Variants in FBN2 observed in about 807,000 individuals in gnomAD.
FBN2 encodes fibrillin-2.
FBN2 carries 105 observed loss-of-function variants against 355.6 expected under a neutral mutation model. The ratio of observed to expected loss-of-function variants is 0.30; its 90% CI spans 0.25 to 0.35. The LOEUF is 0.35. Among genes scored for constraint, FBN2 ranks in the 10% least tolerant of loss-of-function variants. The pLI, the probability that FBN2 is intolerant of heterozygous loss-of-function variation, is 1.00. For synonymous variants in FBN2, 1,350 were observed against 1,301.2 expected (o/e 1.04, Z -0.81); for missense variants, 3,280 against 3,758.7 (o/e 0.87, Z 3.33).
In FBN2 at chr5:128,278,625, A is replaced by G. The variant is rs1435699579; in HGVS notation, c.7345+10T>C. On this transcript the variant is annotated intron_variant, in intron 57 of 64. Transcript: ENST00000262464. ...GTTGATTATATGAATAAATTTCCTC[A>G]ACTCCTTACCTCTTCCATCAGTTGT... 20 of 1,611,904 alleles carry G rather than the reference A, an allele frequency of 1.2e-5. No homozygotes were observed. Among genetic ancestry groups the G allele is most frequent in the Non-Finnish European group, 1.7e-5 (20 of 1,178,008 alleles).
rs560898123 is a variant in FBN2 at position 128,268,687 on chromosome 5, C to T, written c.7960+3312G>A. Reference sequence around the variant, plus strand: ...AAAAACTTATCCACCATGATAAAGTCGGCTTCATCCCTTTGATGCAAGGCT... The same window carrying T: ...AAAAACTTATCCACCATGATAAAGTTGGCTTCATCCCTTTGATGCAAGGCT... On this transcript the variant is annotated intron_variant, in intron 62 of 64. Coordinates refer to ENST00000262464, the MANE Select transcript of FBN2 (RefSeq NM_001999.4). Among the ~76,000 whole-genome samples the T allele has an allele frequency of 6.6e-5, 10 of 152,282 alleles. 1 individual carries two copies. The South Asian group carries it at 8.3e-4, about 13-fold the overall frequency.
chr5:128,362,742 G>T (rs1438902691), intron 18 of FBN2, among the ~76,000 whole-genome samples: 2 of 152,146 alleles, frequency 1.3e-5, no homozygotes, highest in African/African-American at 4.8e-5. Flanking sequence ...TGGGATTATA[G>T]GCATAAGCTA....
Position 128,335,177 on chromosome 5 carries a change from T to C in FBN2, c.3966A>G (p.Thr1322=), listed in dbSNP as rs1343121767. 2 of 1,614,062 alleles carry C rather than the reference T, an allele frequency of 1.2e-6. No homozygotes were observed. Among genetic ancestry groups the C allele is most frequent in the African/African-American group, 2.7e-5 (2 of 74,914 alleles). The change falls in exon 30 of 65, where the codon ACA becomes ACG. Residue 1322 remains threonine, a synonymous_variant. Transcript: ENST00000262464. Reference sequence around the variant, plus strand: ...CTTTCTTATGATACCCACCAATGCATGTTTTCATGTCCATGGAAGCCATGA... The same window carrying C: ...CTTTCTTATGATACCCACCAATGCACGTTTTCATGTCCATGGAAGCCATGA... ...DGFMASMDMK[T]CIDVNECDLN...
chr5:128,498,237 C>T (rs529356777), intron 5 of FBN2, among the ~76,000 whole-genome samples: 1 of 152,330 alleles, frequency 6.6e-6, no homozygotes, highest in East Asian at 1.9e-4. Flanking sequence ...AAGAGTCTGG[C>T]TAGGGCTTAT....
intron 5 of FBN2, among the ~76,000 whole-genome samples, chr5:128,499,610 G>C (rs1755751506): frequency 6.6e-6 from 1 of 152,050 alleles, no homozygotes; most frequent in Admixed American, 6.5e-5. Flanking sequence ...ACAGATGTGG[G>C]AATCAATACT....
At chr5:128,357,957 T>C (rs572698010) in intron 19 of FBN2, among the ~76,000 whole-genome samples, 29 of 152,304 alleles carry the variant, frequency 1.9e-4, no homozygotes, top group Middle Eastern at 3.4e-3. Context: ...CTTAGTTTTT[T>C]TTTAATACAA....
At chr5:128,449,814 G>A (rs1754190712) in intron 6 of FBN2, among the ~76,000 whole-genome samples, 1 of 151,836 alleles carries the variant, frequency 6.6e-6, no homozygotes, top group African/African-American at 2.4e-5. Context: ...AAACTCCTTT[G>A]ACATCTTAAA....
At chr5:128,413,940 G>A (rs1474094066) in intron 7 of FBN2, among the ~76,000 whole-genome samples, 1 of 152,060 alleles carries the variant, frequency 6.6e-6, no homozygotes, top group Non-Finnish European at 1.5e-5. Context: ...TTTGACACTA[G>A]GAAAATTCAT....
At chr5:128,456,023 A>AAAAAAAGC (rs1554070903) in intron 6 of FBN2, among the ~76,000 whole-genome samples, 1 of 145,782 alleles carries the variant, frequency 6.9e-6, no homozygotes, top group Non-Finnish European at 1.5e-5. Flanking sequence ...AAAAAAAAAA[A>AAAAAAAGC]GCAACTGCTG....
intron 18 of FBN2, among the ~76,000 whole-genome samples, chr5:128,363,676 C>T (rs1751697413): frequency 6.6e-6 from 1 of 152,018 alleles, no homozygotes; most frequent in African/African-American, 2.4e-5. Flanking sequence ...TGACCGGTGT[C>T]CATGTGAAAA....
intron 3 of FBN2, among the ~76,000 whole-genome samples, chr5:128,529,511 G>A (rs1011908937): frequency 6.6e-6 from 1 of 152,188 alleles, no homozygotes; most frequent in African/African-American, 2.4e-5. Flanking sequence ...ATTGCCCAAG[G>A]CCAAATGAAT....
intron 6 of FBN2, among the ~76,000 whole-genome samples, chr5:128,463,222 A>T (rs186187460): frequency 6.4e-4 from 97 of 152,220 alleles, no homozygotes; most frequent in Non-Finnish European, 8.5e-4. Context: ...AAAGACAGAT[A>T]CAATATAATA....
At chr5:128,435,450 T>G (rs1753748112) in intron 7 of FBN2, among the ~76,000 whole-genome samples, 1 of 152,214 alleles carries the variant, frequency 6.6e-6, no homozygotes, top group Non-Finnish European at 1.5e-5. Context: ...TCTTCCACAA[T>G]TAATTTCTTT....
intron 48 of FBN2, among the ~76,000 whole-genome samples, chr5:128,297,879 A>G (rs1160467098): frequency 6.6e-6 from 1 of 151,288 alleles, no homozygotes; most frequent in Non-Finnish European, 1.5e-5. Context: ...TCCTGTCATT[A>G]TGACGTTAGC....
At chr5:128,372,683 G>C (rs1751973088) in intron 15 of FBN2, among the ~76,000 whole-genome samples, 1 of 152,078 alleles carries the variant, frequency 6.6e-6, no homozygotes, top group African/African-American at 2.4e-5. Context: ...GCAGACACAG[G>C]ATTTCACCAT....
At chr5:128,480,153 A>C (rs1246999437) in intron 5 of FBN2, among the ~76,000 whole-genome samples, 1 of 145,374 alleles carries the variant, frequency 6.9e-6, no homozygotes, top group East Asian at 2.0e-4. Flanking sequence ...TATACATAGT[A>C]TTCACAGAGA....
At position 128,451,776 on chromosome 5, in the gene FBN2, T is replaced by C. The variant is rs76608480; in HGVS notation, c.827-5170A>G. On this transcript the variant is annotated intron_variant, in intron 6 of 64. Coordinates refer to ENST00000262464, the MANE Select transcript of FBN2 (RefSeq NM_001999.4). ...ATAAAAGAGCTCTAGAAACTTGTTT[T>C]CCTGGCAGATAAATCAGAGAAAAAA... Among the ~76,000 whole-genome samples, 228 of 152,300 alleles carry C rather than the reference T, an allele frequency of 1.5e-3. 1 individual carries two copies. The highest frequency in any genetic ancestry group is 5.3e-3 in the African/African-American group (222 of 41,576).
chr5:128,355,086 C>T (rs922172727), intron 20 of FBN2, among the ~76,000 whole-genome samples: 1 of 152,046 alleles, frequency 6.6e-6, no homozygotes, highest in African/African-American at 2.4e-5. Flanking sequence ...GAAAATGTGC[C>T]ATAAAAGTGA....
At chr5:128,341,098 G>A (rs532878501) in intron 25 of FBN2, among the ~76,000 whole-genome samples, 123 of 152,264 alleles carry the variant, frequency 8.1e-4, no homozygotes, top group African/African-American at 2.9e-3. Context: ...GGAGGAGACC[G>A]GCCCTTCCTG....
Sources: gnomAD v4.1 joint callset for allele counts (sites outside exome capture counted in the v4.1 genomes callset) on GRCh38, gnomAD v4.1.1 for gene constraint, MANE v1.5 for transcripts, NCBI Gene and HGNC (gene_info 2026-07-23, HGNC 2026-07-21) for gene names.